The following GLI1 variants were observed in gnomAD, a reference collection of about 807,000 sequenced individuals.
The protein encoded by GLI1 is transcription activator GLI1.
In GLI1, 51 loss-of-function variants were observed where a neutral mutation model predicts 87.8. The ratio of observed to expected loss-of-function variants is 0.58; its 90% confidence interval spans 0.46 to 0.73. The LOEUF (loss-of-function observed/expected upper bound fraction) is 0.73. Ranked by LOEUF, GLI1 falls within the 30% of genes least tolerant of loss-of-function variation. The pLI is 0.00. For synonymous variants in GLI1, 528 were observed against 558.2 expected (o/e 0.95, Z 0.76); for missense variants, 1,292 against 1,437.2 (o/e 0.90, Z 1.63).
In GLI1 at chr12:57,465,646, G is replaced by A. The variant is rs375756845; in HGVS notation, c.574G>A (p.Glu192Lys). The A allele has an allele frequency of 1.2e-6, 2 of 1,614,062 alleles. No individual in the cohort carries two copies. The highest frequency in any genetic ancestry group is 1.3e-5 in the African/African-American group (1 of 74,928). ...ELDMLVGKCR[E>K]EPLEGDMSSP... Reference sequence around the variant, plus strand: ...GGACATGCTGGTTGGCAAGTGCCGGGAGGAACCCTTGGAAGGTGATATGTC... The same window carrying A: ...GGACATGCTGGTTGGCAAGTGCCGGAAGGAACCCTTGGAAGGTGATATGTC... The change falls in exon 6 of 12, where the codon GAG becomes AAG. Residue 192 changes from glutamate (E) to lysine (K), a missense_variant. Physicochemically the swap from Glu to Lys is moderately conservative, Grantham distance 56 (BLOSUM62 1). Around this residue, in one of 3 missense-constraint regions of GLI1, gnomAD observed 383 missense variants for 368.4 expected, o/e 1.04. Coordinates refer to ENST00000228682, the MANE Select transcript of GLI1 (RefSeq NM_005269.3).
Position 57,471,979 on chromosome 12 carries a change from C to A in GLI1, c.3239C>A (p.Pro1080His). 1 of 1,589,300 alleles carries A rather than the reference C, an allele frequency of 6.3e-7. No individual in the cohort carries two copies. The highest frequency in any genetic ancestry group is 2.3e-5 in the East Asian group (1 of 44,218). ...GGACATACCCCACCTCCCTCTGGGC[C>A]CCCCAACATGGCTGTGGGCAACATG... The part of the protein sequence containing the change: ...SSGHTPPPSG[P>H]PNMAVGNMSV... The change falls in exon 12 of 12, where the codon CCC (proline) becomes CAC (histidine). Residue 1080 changes from proline to histidine, a missense_variant. Coordinates refer to ENST00000228682, the MANE Select transcript of GLI1 (RefSeq NM_005269.3). The surrounding 1 kb of genome is among the most constrained non-coding windows in gnomAD (Gnocchi z 4.9).
At position 57,465,210 on chromosome 12, in the gene GLI1, G is replaced by T. The variant is rs1383399081; in HGVS notation, c.489G>T (p.Gly163=). 6.2e-7 allele frequency: 1 copy of T among 1,613,264 alleles called. No individual in the cohort carries two copies. Among genetic ancestry groups the T allele is most frequent in the Non-Finnish European group, 8.5e-7 (1 of 1,179,642 alleles). The stretch of plus-strand genomic sequence containing the variant: ...GTCCCCATGACTCTGCCCGGGGTGG[G>T]ATGATCCCACATCCTCAGTCCCGGG... ...PCGPHDSARG[G]MIPHPQSRGP... Residue 163 remains glycine (G), a synonymous_variant, in exon 5 of 12, where the codon GGG becomes GGT. Coordinates refer to ENST00000228682, the MANE Select transcript of GLI1 (RefSeq NM_005269.3).
In GLI1 at chr12:57,464,779, C is replaced by T. The variant is rs1871364207; in HGVS notation, c.300C>T (p.Arg100=). The T allele has an allele frequency of 6.2e-7, 1 of 1,613,938 alleles. No individual in the cohort carries two copies. Among genetic ancestry groups the T allele is most frequent in the Non-Finnish European group, 8.5e-7 (1 of 1,179,824 alleles). ...GCCTGGACCTGCAGACGGTTATCCG[C>T]ACCTCACCCAGCTCCCTCGTAGCTT... ...DASLDLQTVI[R]TSPSSLVAFI... Residue 100 remains arginine, a synonymous_variant, in exon 4 of 12, where the codon CGC becomes CGT. Coordinates refer to ENST00000228682, the MANE Select transcript of GLI1 (RefSeq NM_005269.3).
chr12:57,466,465 C>A, intron 8 of GLI1, 76 bp downstream of exon 8: 1 of 1,137,654 alleles, frequency 8.8e-7, no homozygotes, highest in Non-Finnish European at 1.2e-6. Context: ...CCAAGGCAGA[C>A]TTTTGCTTTT....
intron 5 of GLI1, 44 bp downstream of exon 5, chr12:57,465,299 T>A: frequency 2.1e-6 from 3 of 1,427,714 alleles, no homozygotes; most frequent in Non-Finnish European, 2.9e-6. Flanking sequence ...CAGCTCAGGG[T>A]GGGTGGGTGG....
intron 11 of GLI1, 86 bp downstream of exon 11, chr12:57,469,784 TCA>T: frequency 8.4e-7 from 1 of 1,189,474 alleles, no homozygotes; most frequent in Non-Finnish European, 1.2e-6. Flanking sequence ...TTGAGGGCTG[TCA>T]CACAGCACTT....
chr12:57,471,067 C>T lies in GLI1; in HGVS notation c.2327C>T (p.Thr776Ile). The change falls in exon 12 of 12, where the codon ACC becomes ATC. Residue 776 changes from threonine (T) to isoleucine (I), a missense_variant. Thr to Ile is a moderately conservative substitution (Grantham distance 89). Transcript: ENST00000228682. The surrounding 1 kb of genome is among the most constrained non-coding windows in gnomAD (Gnocchi z 4.9). ...CAGCAGGCCTCATATCCTGACCCCACCCAAGAAACATGGGGTGAGTTCCCT... is the reference window on the plus strand; with the variant it reads ...CAGCAGGCCTCATATCCTGACCCCATCCAAGAAACATGGGGTGAGTTCCCT... ...CPQQASYPDP[T>I]QETWGEFPSH... 1.2e-6 allele frequency: 2 copies of T among 1,612,274 alleles called. No individual in the cohort carries two copies. Among genetic ancestry groups the T allele is most frequent in the Non-Finnish European group, 1.7e-6 (2 of 1,179,038 alleles).
chr12:57,469,229 C>G (rs1475872700), intron 10 of GLI1, among the ~76,000 whole-genome samples: 1 of 152,204 alleles, frequency 6.6e-6, no homozygotes, highest in Non-Finnish European at 1.5e-5. Context: ...TTGAGTCCAG[C>G]CAGTCCGTGC....
At position 57,472,241 on chromosome 12, in the gene GLI1, GATA is replaced by G; in HGVS notation, c.*185_*187del. 1.7e-6 allele frequency: 1 copy of G among 596,036 alleles called. No individual in the cohort carries two copies. Among genetic ancestry groups the G allele is most frequent in the South Asian group, 2.4e-5 (1 of 41,266 alleles). 36.9% of individuals were successfully genotyped at this position (596,036 alleles called of 1,614,324 possible). A position where few individuals can be genotyped will look rare whatever the true frequency, so the allele number is the denominator to read the frequency against. On this transcript the variant is annotated 3_prime_UTR_variant, in exon 12 of 12. Transcript: ENST00000228682. Reference sequence around the variant, plus strand: ...AAATTTGATAATGACACTGTTTCCTGATAATAAAGGAACTGCATCAGAAAAAAT... The same window carrying G: ...AAATTTGATAATGACACTGTTTCCTGATAAAGGAACTGCATCAGAAAAAAT...
At chr12:57,462,900 G>A (rs954944987) in intron 1 of GLI1, among the ~76,000 whole-genome samples, 2 of 152,204 alleles carry the variant, frequency 1.3e-5, no homozygotes, top group Non-Finnish European at 2.9e-5. Flanking sequence ...CGAGAAGGAA[G>A]GGGGAACGGG....
At chr12:57,461,915 C>T (rs1417970648) in intron 1 of GLI1, among the ~76,000 whole-genome samples, 24 of 152,380 alleles carry the variant, frequency 1.6e-4, no homozygotes, top group East Asian at 1.9e-4. Flanking sequence ...CCATCCCGAA[C>T]TCTCACACCC....
chr12:57,470,748 G>T lies in GLI1; in HGVS notation c.2008G>T (p.Ala670Ser), dbSNP rs138680284. The T allele has an allele frequency of 6.6e-4, 1,058 of 1,613,144 alleles. 2 individuals are homozygous for T. Among genetic ancestry groups the T allele is most frequent in the Middle Eastern group, 3.1e-3 (19 of 6,060 alleles). Residue 670 changes from alanine to serine, a missense_variant, in exon 12 of 12, where the codon GCA (alanine) becomes TCA (serine). Coordinates refer to ENST00000228682, the MANE Select transcript of GLI1 (RefSeq NM_005269.3). ...CTGTGTCCATACCCCACCCACTGTG[G>T]CAGGGGGAGGACAGAACTTTGATCC... is the stretch of plus-strand genomic sequence containing the variant. ...LGCVHTPPTV[A>S]GGGQNFDPYL...
At chr12:57,461,399 G>T (rs1223247195) in intron 1 of GLI1, among the ~76,000 whole-genome samples, 1 of 151,916 alleles carries the variant, frequency 6.6e-6, no homozygotes. Flanking sequence ...GGTCTGGAGG[G>T]GTTAACCCTT....
rs1052608281 is a variant in GLI1, at chr12:57,471,011, A to G, written c.2271A>G (p.Pro757=). 5 of 1,610,250 alleles carry G rather than the reference A, an allele frequency of 3.1e-6. No individual in the cohort carries two copies. The African/African-American group carries it at 5.3e-5, about 17-fold the overall frequency. Residue 757 remains proline, a synonymous_variant, in exon 12 of 12, where the codon CCA becomes CCG. Coordinates refer to ENST00000228682, the MANE Select transcript of GLI1 (RefSeq NM_005269.3). The surrounding 1 kb of genome is among the most constrained non-coding windows in gnomAD (Gnocchi z 4.9). Reference sequence around the variant, plus strand: ...GCTCTCTGCCTCTTGGGCCTGGTCCACCCACCAACTATGGCCCCAACCCCT... The same window carrying G: ...GCTCTCTGCCTCTTGGGCCTGGTCCGCCCACCAACTATGGCCCCAACCCCT... ...GPGSLPLGPG[P]PTNYGPNPCP...
rs750072514 is a variant in GLI1 at position 57,470,754 on chromosome 12, G to A, written c.2014G>A (p.Gly672Arg). 14 of 1,613,178 alleles carry A rather than the reference G, an allele frequency of 8.7e-6. No individual in the cohort carries two copies. The highest frequency in any genetic ancestry group is 2.7e-5 in the African/African-American group (2 of 74,932). Residue 672 changes from glycine to arginine, a missense_variant, in exon 12 of 12, where the codon GGA becomes AGA. This residue lies in a region of GLI1 where 897 missense variants were observed against 1,040.7 expected (regional missense o/e 0.86). Transcript: ENST00000228682. ...CCATACCCCACCCACTGTGGCAGGG[G>A]GAGGACAGAACTTTGATCCTTACCT... is the stretch of plus-strand genomic sequence containing the variant. ...CVHTPPTVAG[G>R]GQNFDPYLPT... is the part of the protein sequence containing the mutation.
intron 1 of GLI1, among the ~76,000 whole-genome samples, chr12:57,461,814 G>C (rs940663424): frequency 6.6e-6 from 1 of 152,192 alleles, no homozygotes; most frequent in Non-Finnish European, 1.5e-5. Context: ...CCTGGGAGTT[G>C]GGGAGCGGGG....
intron 2 of GLI1, 65 bp downstream of exon 2, chr12:57,463,856 C>T (rs1871307323): frequency 1.8e-6 from 2 of 1,098,308 alleles, no homozygotes; most frequent in South Asian, 1.3e-5. Flanking sequence ...GGCCCACCCC[C>T]ACCCCATGCC....
chr12:57,468,571 C>T (rs1039885601), intron 10 of GLI1, among the ~76,000 whole-genome samples: 22 of 151,960 alleles, frequency 1.4e-4, no homozygotes, highest in African/African-American at 4.1e-4. Flanking sequence ...TAGCTCACTG[C>T]AGCCTCAAAC....
At chr12:57,465,487 C>T (rs983059365) in intron 5 of GLI1, 120 bp from the exon 6 acceptor site, 2 of 864,182 alleles carry the variant, frequency 2.3e-6, no homozygotes, top group Non-Finnish European at 3.7e-6. Flanking sequence ...AAGTCCCTTC[C>T]AAACCCAGGA....
Sources: gnomAD v4.1 joint callset for allele counts (sites outside exome capture counted in the v4.1 genomes callset) on GRCh38, gnomAD v4.1.1 for gene constraint, gnomAD v4.1.1 regional missense constraint, Gnocchi (gnomAD v3.1) non-coding constraint, MANE v1.5 for transcripts, NCBI Gene and HGNC (gene_info 2026-07-23, HGNC 2026-07-21) for gene names.